The following NSG1 variants were observed in gnomAD, a reference collection of about 807,000 sequenced individuals.
NSG1 encodes the protein neuronal vesicle trafficking-associated protein 1.
Under a neutral mutation model 19.3 loss-of-function variants are expected in NSG1, and 9 were observed. That is an observed-to-expected ratio of 0.47 (90% confidence interval 0.28 to 0.81). The LOEUF is 0.81. Ranked by LOEUF, NSG1 falls within the 40% of genes least tolerant of loss-of-function variation. NSG1 has a pLI of 0.11. For missense variants in NSG1, 236 were observed against 242.4 expected, an observed-to-expected ratio of 0.97 and a Z score of 0.18; for synonymous variants, 104 against 107.0, an observed-to-expected ratio of 0.97 and a Z score of 0.17.
chr4:4,412,059 C>T (rs147382292), intron 4 of NSG1, among the ~76,000 whole-genome samples: 121 of 152,252 alleles, frequency 7.9e-4, no homozygotes, highest in African/African-American at 2.3e-3. Flanking sequence ...TGTTGTGTTC[C>T]GTCTACACGG....
chr4:4,400,064 A>T (rs1164520521), intron 3 of NSG1, among the ~76,000 whole-genome samples: 2 of 152,216 alleles, frequency 1.3e-5, no homozygotes, highest in African/African-American at 4.8e-5. Context: ...AATCACATGA[A>T]GATTTTTCCC....
At chr4:4,398,755 T>C (rs1723400697) in intron 3 of NSG1, among the ~76,000 whole-genome samples, 1 of 152,264 alleles carries the variant, frequency 6.6e-6, no homozygotes, top group African/African-American at 2.4e-5. Flanking sequence ...TGAACATTCA[T>C]TTACAGGTTT....
At chr4:4,391,709 A>G (rs1723005216) in intron 3 of NSG1, 118 bp downstream of exon 3, 1 of 582,280 alleles carries the variant, frequency 1.7e-6, no homozygotes, top group Admixed American at 3.2e-5. Context: ...GGCTCATCCC[A>G]GCTGTGCACA....
In NSG1 at chr4:4,393,571, C is replaced by T. The variant is rs545431559; in HGVS notation, c.246+1980C>T. Among the ~76,000 whole-genome samples the T allele has an allele frequency of 6.6e-5, 10 of 152,338 alleles. No individual in the cohort carries two copies. In the South Asian group the frequency reaches 1.4e-3, roughly 22 times the overall value. ...TACCTCCTGTGGCTGTCTGAGAAGG[C>T]GATGTATGCAGTAGGTGCTCAGTAC... On this transcript the variant is annotated intron_variant, in intron 3 of 4. Transcript: ENST00000621129.
intron 3 of NSG1, among the ~76,000 whole-genome samples, chr4:4,401,967 A>C (rs1723569381): frequency 6.6e-6 from 1 of 151,232 alleles, no homozygotes; most frequent in South Asian, 2.1e-4. Context: ...TTCAGCCTCA[A>C]ACTCCCAGGC....
In NSG1 at chr4:4,409,665, C is replaced by T. The variant is rs146160425; in HGVS notation, c.339C>T (p.Pro113=). The change falls in exon 4 of 5, where the codon CCC becomes CCT. Residue 113 remains proline (P), a synonymous_variant. Coordinates refer to ENST00000621129, the MANE Select transcript of NSG1 (RefSeq NM_014392.5). ...YKVYKYDRAC[P]DGFVLKNTQC... ...TGTACAAGTATGACCGCGCCTGCCC[C>T]GATGGGTTCGTCCTCAAGGTAAAAC... 8.8e-5 allele frequency: 142 copies of T among 1,614,040 alleles called. No homozygotes were observed. The Middle Eastern group carries it at 1.6e-3, about 19-fold the overall frequency.
chr4:4,417,169 A>G, intron 4 of NSG1, 66 bp from the exon 5 acceptor site: 1 of 1,407,614 alleles, frequency 7.1e-7, no homozygotes, highest in Non-Finnish European at 1.0e-6. Context: ...GTTGGCTGCC[A>G]ACTGGAGACA....
At chr4:4,402,144 C>T (rs373263255) in intron 3 of NSG1, among the ~76,000 whole-genome samples, 276 of 151,144 alleles carry the variant, frequency 1.8e-3, no homozygotes, top group African/African-American at 6.4e-3. Flanking sequence ...TCGCTTCGGC[C>T]TCCCAAAGTG....
chr4:4,387,928 G>C, intron 2 of NSG1, among the ~76,000 whole-genome samples, 170 bp downstream of exon 2: 1 of 152,056 alleles, frequency 6.6e-6, no homozygotes, highest in East Asian at 1.9e-4. Flanking sequence ...ATTCTGGATC[G>C]CGGGATGCTG....
intron 4 of NSG1, among the ~76,000 whole-genome samples, chr4:4,416,549 C>G (rs1013123809): frequency 1.4e-4 from 21 of 152,162 alleles, no homozygotes; most frequent in African/African-American, 4.8e-4. Flanking sequence ...GAAAACGCCC[C>G]CGGCCCTGCC....
Position 4,417,529 on chromosome 4 carries a change from G to T in NSG1, c.*94G>T, listed in dbSNP as rs1277044502. On this transcript the variant is annotated 3_prime_UTR_variant, in exon 5 of 5. Transcript: ENST00000621129. ...AAATATAATTACTGATACTTTAGAG[G>T]TTACTCATTTACGGTGCAATTGCTT... 7.9e-7 allele frequency: 1 copy of T among 1,267,064 alleles called. No individual in the cohort carries two copies. Among genetic ancestry groups the T allele is most frequent in the Non-Finnish European group, 1.1e-6 (1 of 894,110 alleles). 78.5% of individuals were successfully genotyped at this position (1,267,064 alleles called of 1,614,324 possible).
intron 3 of NSG1, among the ~76,000 whole-genome samples, chr4:4,401,336 G>C (rs1723536538): frequency 1.3e-5 from 2 of 152,158 alleles, no homozygotes; most frequent in African/African-American, 4.8e-5. Flanking sequence ...GAAACACCCG[G>C]GACCTGTCTG....
intron 3 of NSG1, among the ~76,000 whole-genome samples, chr4:4,398,242 CA>C (rs1723370470): frequency 6.6e-6 from 1 of 152,202 alleles, no homozygotes; most frequent in African/African-American, 2.4e-5. Context: ...TGTGAGCCAC[CA>C]CGCCCGGCTT....
rs1404378414 is a variant in NSG1, at chr4:4,417,489, G to A, written c.*54G>A. ...CACTTGCAAATAACAAAGGGACTTT[G>A]AGGGACATTTCATTAAATATAATTA... On this transcript the variant is annotated 3_prime_UTR_variant, in exon 5 of 5. Transcript: ENST00000621129. 9.3e-6 allele frequency: 14 copies of A among 1,500,472 alleles called. No individual in the cohort carries two copies. The South Asian group carries it at 1.2e-4, about 13-fold the overall frequency. 92.9% of individuals were successfully genotyped at this position (1,500,472 alleles called of 1,614,324 possible). A position where few individuals can be genotyped will look rare whatever the true frequency, so the allele number is the denominator to read the frequency against.
Position 4,387,592 on chromosome 4 carries a change from C to G in NSG1, c.-26-12C>G, listed in dbSNP as rs748726736. Reference sequence around the variant, plus strand: ...TTGCTTGTGGTGACTCCCCCCGGCCCTCCCGCCGCAGGCTGCAGCCTCGGA... The same window carrying G: ...TTGCTTGTGGTGACTCCCCCCGGCCGTCCCGCCGCAGGCTGCAGCCTCGGA... On this transcript the variant is annotated splice_polypyrimidine_tract_variant and intron_variant, in intron 1 of 4. Transcript: ENST00000621129. 1 of 1,595,684 alleles carries G rather than the reference C, an allele frequency of 6.3e-7. No individual in the cohort carries two copies. Among genetic ancestry groups the G allele is most frequent in the African/African-American group, 1.3e-5 (1 of 74,456 alleles).
intron 2 of NSG1, among the ~76,000 whole-genome samples, chr4:4,390,370 C>G (rs1722930403): frequency 6.6e-6 from 1 of 152,184 alleles, no homozygotes; most frequent in Non-Finnish European, 1.5e-5. Flanking sequence ...TTCAGTGACC[C>G]TGGAATGGGC....
Position 4,417,652 on chromosome 4 carries a change from C to T in NSG1, c.*217C>T. 1.8e-6 allele frequency: 1 copy of T among 562,210 alleles called. No homozygotes were observed. The highest frequency in any genetic ancestry group is 3.0e-5 in the East Asian group (1 of 33,218). 34.8% of individuals were successfully genotyped at this position (562,210 alleles called of 1,614,324 possible). On this transcript the variant is annotated 3_prime_UTR_variant, in exon 5 of 5. Coordinates refer to ENST00000621129, the MANE Select transcript of NSG1 (RefSeq NM_014392.5). ...AGCATTGCCTAAAGAGCTCTGACACCACTTTTCATGTTAAGATCTTCATTT... is the reference window on the plus strand; with the variant it reads ...AGCATTGCCTAAAGAGCTCTGACACTACTTTTCATGTTAAGATCTTCATTT...
intron 4 of NSG1, among the ~76,000 whole-genome samples, chr4:4,410,802 CAT>C (rs539257935): frequency 6.0e-4 from 91 of 152,270 alleles, no homozygotes; most frequent in African/African-American, 2.1e-3. Context: ...CCATTCATAA[CAT>C]ACTCTTTCTT....
At position 4,417,358 on chromosome 4, in the gene NSG1, G is replaced by C. The variant is rs771703231; in HGVS notation, c.481G>C (p.Val161Leu). ...GGCCAAGCAGAGCATCACGCGCTCC[G>C]TATCGCCCTGGATGTCAGTTCTGTC... Reference protein sequence around the residue: ...NLAKQSITRSVSPWMSVLSEE... With the variant: ...NLAKQSITRSLSPWMSVLSEE... Residue 161 changes from valine (V) to leucine (L), a missense_variant, in exon 5 of 5, where the codon GTA becomes CTA. Transcript: ENST00000621129. 6 of 1,614,166 alleles carry C rather than the reference G, an allele frequency of 3.7e-6. No homozygotes were observed. The highest frequency in any genetic ancestry group is 1.6e-4 in the Middle Eastern group (1 of 6,062).
Sources: allele counts gnomAD v4.1 joint callset (sites outside exome capture counted in the v4.1 genomes callset), GRCh38; gene constraint gnomAD v4.1.1; transcripts MANE v1.5; gene names NCBI Gene and HGNC (gene_info 2026-07-23, HGNC 2026-07-21).